Variants in NRXN3 observed in about 807,000 individuals in gnomAD.
NRXN3 encodes neurexin 3.
Under a neutral mutation model 137.6 loss-of-function variants are expected in NRXN3, and 32 were observed. That is an observed-to-expected ratio of 0.23 (90% CI 0.18 to 0.31). NRXN3 has a LOEUF of 0.31. Among genes scored for constraint, NRXN3 ranks in the 10% least tolerant of loss-of-function variants. NRXN3 has a pLI of 1.00. For missense variants in NRXN3, 1,574 were observed against 2,062.5 expected (o/e 0.76, Z 4.59); for synonymous variants, 798 against 784.5 (o/e 1.02, Z -0.29).
chr14:79,851,826 A>T (rs1221323988), intron 20 of NRXN3, among the ~76,000 whole-genome samples: 1 of 152,156 alleles, frequency 6.6e-6, no homozygotes, highest in East Asian at 1.9e-4. Flanking sequence ...TGTGAGAGGC[A>T]TAGTTTTCCC....
intron 1 of NRXN3, among the ~76,000 whole-genome samples, chr14:78,190,152 T>C (rs1361599820): frequency 1.3e-5 from 2 of 152,196 alleles, no homozygotes; most frequent in Admixed American, 6.5e-5. Flanking sequence ...TCTTCCACAA[T>C]TGAGGCACAT....
intron 16 of NRXN3, among the ~76,000 whole-genome samples, chr14:79,555,385 C>T (rs905960914): frequency 1.3e-5 from 2 of 151,992 alleles, no homozygotes; most frequent in African/African-American, 4.8e-5. Flanking sequence ...GCAAAGTAAC[C>T]CTAATAACCA....
Position 79,361,537 on chromosome 14 carries a change from T to TG in NRXN3, c.3263-105683dup, listed in dbSNP as rs141347064. On this transcript the variant is annotated intron_variant, in intron 15 of 20. Coordinates refer to ENST00000335750, the MANE Select transcript of NRXN3 (RefSeq NM_001330195.2). ...TTTGAGACTAGCCTGGCCAACATGG[T>TG]GACACCCCGTCTCTATAAAAAATAT... 5.0e-3 allele frequency among the ~76,000 whole-genome samples: 765 copies of TG among 152,170 alleles called. 5 individuals carry two copies. The highest frequency in any genetic ancestry group is 0.017 in the African/African-American group (716 of 41,502).
chr14:78,493,022 G>A (rs1164577358), intron 4 of NRXN3, among the ~76,000 whole-genome samples: 1 of 152,088 alleles, frequency 6.6e-6, no homozygotes, highest in African/African-American at 2.4e-5. Context: ...GTTCTGCATA[G>A]AAAGTCTTTA....
At chr14:78,353,973 T>A (rs963023394) in intron 4 of NRXN3, among the ~76,000 whole-genome samples, 4 of 152,218 alleles carry the variant, frequency 2.6e-5, no homozygotes, top group Non-Finnish European at 2.9e-5. Flanking sequence ...CCTTTATTTT[T>A]TCTCAGTGAC....
rs79828213 is a variant in NRXN3, at chr14:78,830,336, A to G, written c.2275+19992A>G. On this transcript the variant is annotated intron_variant, in intron 10 of 20. Transcript: ENST00000335750. ...TCTCATATCCATTTTTATGGATATG[A>G]TAAAGGTACTTGTCAGCCTAGATTT... 8.6e-3 allele frequency among the ~76,000 whole-genome samples: 1,302 copies of G among 152,254 alleles called. 19 individuals carry two copies. The highest frequency in any genetic ancestry group is 0.03 in the African/African-American group (1,245 of 41,576).
intron 10 of NRXN3, among the ~76,000 whole-genome samples, chr14:78,871,630 T>C (rs770122412): frequency 3.0e-4 from 46 of 152,124 alleles, no homozygotes; most frequent in Non-Finnish European, 5.7e-4. Context: ...TAGTATTATA[T>C]AAATATCTCA....
At chr14:78,196,167 G>A (rs565471319) in intron 1 of NRXN3, among the ~76,000 whole-genome samples, 2 of 152,302 alleles carry the variant, frequency 1.3e-5, no homozygotes, top group African/African-American at 4.8e-5. Flanking sequence ...CCTGGGCAGG[G>A]CTCCTTCATC....
intron 19 of NRXN3, among the ~76,000 whole-genome samples, chr14:79,742,533 A>G (rs996328503): frequency 7.9e-5 from 12 of 152,126 alleles, no homozygotes; most frequent in Non-Finnish European, 1.6e-4. Context: ...TATCATGTCA[A>G]TCCAAGTATT....
At position 78,420,503 on chromosome 14, in the gene NRXN3, TC is replaced by T. The variant is rs1012757718; in HGVS notation, c.757+122645del. On this transcript the variant is annotated intron_variant, in intron 4 of 20. Transcript: ENST00000335750. ...GAAACTAATGTGAACAGTTTCCAGC[TC>T]CAGGCAAAACATTTACACTCCTCAC... 5.3e-5 allele frequency among the ~76,000 whole-genome samples: 8 copies of T among 152,296 alleles called. No homozygotes were observed. In the South Asian group the frequency reaches 1.5e-3, roughly 28 times the overall value.
intron 19 of NRXN3, among the ~76,000 whole-genome samples, chr14:79,701,906 G>A (rs2098756119): frequency 6.6e-6 from 1 of 152,022 alleles, no homozygotes. Flanking sequence ...TAAAATAAGT[G>A]TACCATTCAA....
At chr14:78,254,148 C>T (rs1262070718) in intron 2 of NRXN3, among the ~76,000 whole-genome samples, 1 of 152,012 alleles carries the variant, frequency 6.6e-6, no homozygotes, top group African/African-American at 2.4e-5. Flanking sequence ...TAATCTTAAA[C>T]AGTGTGGGAG....
intron 16 of NRXN3, among the ~76,000 whole-genome samples, chr14:79,476,197 T>C (rs1170993564): frequency 2.0e-5 from 3 of 152,104 alleles, no homozygotes; most frequent in African/African-American, 2.4e-5. Context: ...AGTGTATTGA[T>C]GGGGGAATTC....
At chr14:79,777,494 C>T (rs575318806) in intron 19 of NRXN3, among the ~76,000 whole-genome samples, 1 of 150,468 alleles carries the variant, frequency 6.6e-6, no homozygotes, top group African/African-American at 2.4e-5. Flanking sequence ...AAAAAAGGTT[C>T]CTTTGCTGAA....
chr14:78,905,213 C>G (rs1187037432), intron 10 of NRXN3, among the ~76,000 whole-genome samples: 1 of 152,020 alleles, frequency 6.6e-6, no homozygotes, highest in Non-Finnish European at 1.5e-5. Flanking sequence ...TACAGAGGAT[C>G]ACCCTAGCTA....
chr14:79,604,108 G>A (rs1237515193), intron 16 of NRXN3, among the ~76,000 whole-genome samples: 2 of 152,046 alleles, frequency 1.3e-5, no homozygotes, highest in African/African-American at 2.4e-5. Flanking sequence ...GGCCAGGCTG[G>A]TCTTAAACTC....
At chr14:79,134,717 G>T (rs764774394) in intron 15 of NRXN3, among the ~76,000 whole-genome samples, 10 of 152,240 alleles carry the variant, frequency 6.6e-5, no homozygotes, top group Non-Finnish European at 1.2e-4. Context: ...ATATAAAGGA[G>T]TAATCCCATT....
chr14:79,009,152 T>G (rs1223920067), intron 15 of NRXN3, among the ~76,000 whole-genome samples: 1 of 152,192 alleles, frequency 6.6e-6, no homozygotes, highest in Non-Finnish European at 1.5e-5. Flanking sequence ...ATGAATGTTT[T>G]AAGTGCTTAT....
In NRXN3 at chr14:79,861,693, T is replaced by C. The variant is rs1328063503; in HGVS notation, c.4445T>C (p.Val1482Ala). 1 of 1,613,934 alleles carries C rather than the reference T, an allele frequency of 6.2e-7. No individual in the cohort carries two copies. The highest frequency in any genetic ancestry group is 1.7e-5 in the Admixed American group (1 of 59,990). Reference protein sequence around the residue: ...ANPTEPGIRRVPGASEVIRES... With the variant: ...ANPTEPGIRRAPGASEVIRES... ...CCCACGGAGCCGGGAATCAGACGGG[T>C]TCCGGGGGCCTCAGAGGTGATCCGG... The change falls in exon 21 of 21, where the codon GTT becomes GCT. Residue 1482 changes from valine to alanine, a missense_variant. Around this residue, in one of 5 missense-constraint regions of NRXN3, gnomAD observed 320 missense variants for 387.1 expected, o/e 0.83. Coordinates refer to ENST00000335750, the MANE Select transcript of NRXN3 (RefSeq NM_001330195.2). The surrounding 1 kb of genome is among the most constrained non-coding windows in gnomAD (Gnocchi z 5.4).
Sources: gnomAD v4.1 joint callset for allele counts (sites outside exome capture counted in the v4.1 genomes callset) on GRCh38, gnomAD v4.1.1 for gene constraint, gnomAD v4.1.1 regional missense constraint, Gnocchi (gnomAD v3.1) non-coding constraint, MANE v1.5 for transcripts, NCBI Gene and HGNC (gene_info 2026-07-23, HGNC 2026-07-21) for gene names.